The following TNRC6C variants were observed in gnomAD, a reference collection of about 807,000 sequenced individuals.
The protein encoded by TNRC6C is trinucleotide repeat containing adaptor 6C, also known as trinucleotide repeat-containing gene 6C protein.
A neutral mutation model predicts 153.7 loss-of-function variants in TNRC6C; 20 were observed. The ratio of observed to expected loss-of-function variants is 0.13; its 90% CI spans 0.09 to 0.19. TNRC6C has a LOEUF of 0.19. Ranked by LOEUF, TNRC6C falls within the 10% of genes least tolerant of loss-of-function variation. The pLI is 1.00. For synonymous variants in TNRC6C, 811 were observed against 841.4 expected (o/e 0.96, Z 0.63); for missense variants, 1,987 against 2,172.0 (o/e 0.91, Z 1.69).
At chr17:77,959,542 C>T (rs1315965473) in intron 1 of TNRC6C, among the ~76,000 whole-genome samples, 2 of 152,160 alleles carry the variant, frequency 1.3e-5, no homozygotes, top group South Asian at 2.1e-4. Context: ...TGGATGTGCC[C>T]CCTCCCTTTT....
chr17:78,018,128 T>C (rs2071763562), intron 1 of TNRC6C, among the ~76,000 whole-genome samples: 1 of 152,098 alleles, frequency 6.6e-6, no homozygotes, highest in African/African-American at 2.4e-5. Context: ...GTTTTTGTTT[T>C]GTTTTTTTGG....
At chr17:78,060,564 C>T (rs2072747892) in intron 3 of TNRC6C, among the ~76,000 whole-genome samples, 1 of 151,178 alleles carries the variant, frequency 6.6e-6, no homozygotes. Flanking sequence ...CCTCTGCCTC[C>T]CAGGGTCAAG....
chr17:78,098,565 T>A (rs1459096805), intron 17 of TNRC6C, 28 bp downstream of exon 20: 1 of 1,600,958 alleles, frequency 6.2e-7, no homozygotes, highest in Admixed American at 1.7e-5. Flanking sequence ...CGTGTTCCGA[T>A]GGGGGCCTTA....
chr17:78,048,638 AT>A (rs2072456829), intron 2 of TNRC6C, among the ~76,000 whole-genome samples: 1 of 152,238 alleles, frequency 6.6e-6, no homozygotes, highest in African/African-American at 2.4e-5. Flanking sequence ...AGTGGTAAGA[AT>A]TGATATAATT....
At chr17:78,004,048 AG>A, upstream of TNRC6C, 1 of 1,203,714 alleles carries the variant, frequency 8.3e-7, no homozygotes, top group East Asian at 3.2e-5. Flanking sequence ...GCACCTTCTC[AG>A]AGGGTCCTCC....
At position 78,075,966 on chromosome 17, in the gene TNRC6C, C is replaced by T. The variant is rs141304583; in HGVS notation, c.3060+688C>T. On this transcript the variant is annotated intron_variant, in intron 8 of 19. Transcript: ENST00000301624. This position sits in a 1 kb window ranked among gnomAD's most constrained non-coding sequence, Gnocchi z 4.2. The stretch of plus-strand genomic sequence containing the variant: ...GTGCGGTGGCTCACTCCTGTAATCC[C>T]AGCACTTTGGGAGGCTGAGGTGGGT... Among the ~76,000 whole-genome samples, 262 of 151,848 alleles carry T rather than the reference C, an allele frequency of 1.7e-3. No individual in the cohort carries two copies. The highest frequency in any genetic ancestry group is 5.9e-3 in the African/African-American group (246 of 41,440).
At chr17:77,961,330 A>G (rs1280398824) in intron 1 of TNRC6C, among the ~76,000 whole-genome samples, 1 of 151,870 alleles carries the variant, frequency 6.6e-6, no homozygotes, top group Non-Finnish European at 1.5e-5. Context: ...TAATTTTTGT[A>G]TTTTTAGTAG....
At chr17:78,082,934 G>C in intron 10 of TNRC6C, 113 bp from the exon 13 acceptor site, 1 of 1,265,856 alleles carries the variant, frequency 7.9e-7, no homozygotes, top group Middle Eastern at 2.4e-4. Flanking sequence ...GTAGTTTCAG[G>C]GGGTCTCCCT....
chr17:77,999,014 C>T (rs935612359), intron 1 of TNRC6C, among the ~76,000 whole-genome samples: 1 of 152,338 alleles, frequency 6.6e-6, no homozygotes, highest in East Asian at 1.9e-4. Context: ...GCCTGGCCCA[C>T]ATGTAGGAGT....
chr17:78,023,154 A>T (rs765580661), intron 1 of TNRC6C, among the ~76,000 whole-genome samples: 2 of 152,078 alleles, frequency 1.3e-5, no homozygotes, highest in African/African-American at 2.4e-5. Context: ...TAACAACATA[A>T]CGTATGCGGG....
At chr17:77,980,388 GATC>G (rs1293709028) in intron 1 of TNRC6C, among the ~76,000 whole-genome samples, 1 of 152,168 alleles carries the variant, frequency 6.6e-6, no homozygotes, top group African/African-American at 2.4e-5. Flanking sequence ...CTACAACAGT[GATC>G]ATCACAGAGG....
intron 1 of TNRC6C, among the ~76,000 whole-genome samples, chr17:78,015,963 A>G (rs1054596384): frequency 7.2e-5 from 11 of 152,190 alleles, no homozygotes; most frequent in African/African-American, 2.4e-4. Context: ...GCTCTTAACC[A>G]GATTTCGGCT....
chr17:77,959,161 C>T (rs2070838860), upstream of TNRC6C: 1 of 144,124 alleles, frequency 6.9e-6, no homozygotes, highest in Non-Finnish European at 1.5e-5. Context: ...GCCCCCGCCG[C>T]CCGCGCACTC....
chr17:78,036,920 T>C (rs927791633), intron 2 of TNRC6C, among the ~76,000 whole-genome samples: 1 of 148,018 alleles, frequency 6.8e-6, no homozygotes, highest in Non-Finnish European at 1.5e-5. Flanking sequence ...CAAGATTCCA[T>C]TAAAAAAAAA....
intron 2 of TNRC6C, among the ~76,000 whole-genome samples, chr17:78,046,714 T>C (rs562753168): frequency 7.0e-4 from 107 of 152,364 alleles, no homozygotes; most frequent in South Asian, 1.0e-3. Flanking sequence ...TTAAGAAGTT[T>C]TGCTTTTCCT....
At position 77,970,994 on chromosome 17, in the gene TNRC6C, C is replaced by A. The variant is rs188732751; in HGVS notation, c.-38+11726C>A. ...ACTACACTTTGGCATGGGTGATAGA[C>A]CTTGTCTCAGAAAAAAAAAGAAAGA... is the stretch of plus-strand genomic sequence containing the variant. On this transcript the variant is annotated intron_variant, in intron 1 of 22. Coordinates refer to the TNRC6C transcript ENST00000636222. Among the ~76,000 whole-genome samples the A allele has an allele frequency of 5.9e-3, 894 of 151,726 alleles. 16 individuals are homozygous for A. The highest frequency in any genetic ancestry group is 0.024 in the South Asian group (114 of 4,798).
Position 78,102,761 on chromosome 17 carries a change from G to A in TNRC6C, c.4572+217G>A, listed in dbSNP as rs2073621005. The A allele has an allele frequency of 1.1e-5, 6 of 524,890 alleles. No individual in the cohort carries two copies. The East Asian group carries it at 2.0e-4, about 17-fold the overall frequency. The allele number at this position is 524,890 out of a possible 1,614,324, so 32.5% of individuals were successfully genotyped here. A position where few individuals can be genotyped will look rare whatever the true frequency, so the allele number is the denominator to read the frequency against. ...GGGGCCTCTTTTAACCATGTTCCTG[G>A]TGAATTGTTTGTTTCCCCACCAGAG... On this transcript the variant is annotated intron_variant, in intron 18 of 19. Transcript: ENST00000301624.
In TNRC6C at chr17:77,992,527, A is replaced by G. The variant is rs1473540968; in HGVS notation, c.-37-11643A>G. 4.0e-5 allele frequency among the ~76,000 whole-genome samples: 6 copies of G among 151,826 alleles called. 2 individuals carry two copies. The highest frequency in any genetic ancestry group is 9.7e-5 in the African/African-American group (4 of 41,372). On this transcript the variant is annotated intron_variant, in intron 1 of 22. Transcript: ENST00000636222. ...AAAAAAAAAAAAAAAAAGATTAAGCAAAACCACTGGGAACGTTCACACTTG... is the reference window on the plus strand; with the variant it reads ...AAAAAAAAAAAAAAAAAGATTAAGCGAAACCACTGGGAACGTTCACACTTG...
chr17:78,005,681 T>C (rs2071484455), intron 1 of TNRC6C, among the ~76,000 whole-genome samples: 2 of 152,138 alleles, frequency 1.3e-5, no homozygotes, highest in African/African-American at 4.8e-5. Context: ...TGTTTAGTTA[T>C]TTCCCAGTGG....
Sources: allele counts gnomAD v4.1 joint callset (sites outside exome capture counted in the v4.1 genomes callset), GRCh38; gene constraint gnomAD v4.1.1; non-coding constraint Gnocchi (gnomAD v3.1); transcripts MANE v1.5; gene names NCBI Gene and HGNC (gene_info 2026-07-23, HGNC 2026-07-21).